The following AGAP1 variants were observed in gnomAD, a reference collection of about 807,000 sequenced individuals.
AGAP1 encodes ArfGAP with GTPase domain, ankyrin repeat and PH domain 1.
AGAP1 carries 29 observed loss-of-function variants against 105.3 expected under a neutral mutation model. That is an observed-to-expected ratio of 0.28 (90% CI 0.21 to 0.38). AGAP1 has a LOEUF of 0.38. Among genes scored for constraint, AGAP1 ranks in the 10% least tolerant of loss-of-function variants. The probability of loss-of-function intolerance (pLI) is 1.00; values close to 1 mark genes in which losing one functional copy is unlikely to be tolerated. For synonymous variants in AGAP1, 509 were observed against 485.9 expected, an observed-to-expected ratio of 1.05 and a Z score of -0.63; for missense variants, 998 against 1,165.1, an observed-to-expected ratio of 0.86 and a Z score of 2.09.
intron 13 of AGAP1, among the ~76,000 whole-genome samples, chr2:235,996,442 G>A (rs1287995918): frequency 6.6e-6 from 1 of 152,242 alleles, no homozygotes; most frequent in Admixed American, 6.5e-5. Flanking sequence ...GTAAACAGGT[G>A]AGCATTATTC....
intron 1 of AGAP1, among the ~76,000 whole-genome samples, chr2:235,565,713 T>G (rs1054683253): frequency 2.0e-5 from 3 of 152,046 alleles, no homozygotes; most frequent in African/African-American, 7.3e-5. Flanking sequence ...CGGGGTGGAG[T>G]GTAGTGGCAT....
At position 236,038,378 on chromosome 2, in the gene AGAP1, C is replaced by A. The variant is rs1291446771; in HGVS notation, c.1800+1663C>A. ...CACGGCAGACTCTGAGCCCCTGCCA[C>A]CTCGACCTAATTCAGGAAGATCTGG... On this transcript the variant is annotated intron_variant, in intron 14 of 17. Coordinates refer to ENST00000304032, the MANE Select transcript of AGAP1 (RefSeq NM_001037131.3). This position sits in a 1 kb window ranked among gnomAD's most constrained non-coding sequence, Gnocchi z 4.5. Among the ~76,000 whole-genome samples the A allele has an allele frequency of 1.3e-5, 2 of 152,200 alleles. No individual in the cohort carries two copies. The highest frequency in any genetic ancestry group is 2.9e-5 in the Non-Finnish European group (2 of 68,042).
chr2:235,599,846 C>G lies in AGAP1; in HGVS notation c.163+104997C>G, dbSNP rs892845936. Among the ~76,000 whole-genome samples, 2 of 152,152 alleles carry G rather than the reference C, an allele frequency of 1.3e-5. No individual in the cohort carries two copies. The highest frequency in any genetic ancestry group is 4.8e-5 in the African/African-American group (2 of 41,426). ...GGGATGTGATGGCACGGTCAGTCGC[C>G]CCTGGTGGAGGCAATGCTGGTACCC... On this transcript the variant is annotated intron_variant, in intron 1 of 17. Coordinates refer to ENST00000304032, the MANE Select transcript of AGAP1 (RefSeq NM_001037131.3). The surrounding 1 kb of genome is among the most constrained non-coding windows in gnomAD (Gnocchi z 5.3).
At chr2:235,539,267 G>T (rs1378905415) in intron 1 of AGAP1, among the ~76,000 whole-genome samples, 3 of 152,236 alleles carry the variant, frequency 2.0e-5, no homozygotes, top group Non-Finnish European at 2.9e-5. Context: ...TGATGCACTG[G>T]ATTATCATGG....
intron 3 of AGAP1, among the ~76,000 whole-genome samples, chr2:235,730,340 T>C (rs913065187): frequency 1.5e-4 from 23 of 152,112 alleles, no homozygotes; most frequent in African/African-American, 5.6e-4. Context: ...CTGCCCTCTC[T>C]GGATTCTAAC....
At chr2:235,528,659 A>T (rs556385675) in intron 1 of AGAP1, among the ~76,000 whole-genome samples, 2 of 152,112 alleles carry the variant, frequency 1.3e-5, no homozygotes, top group African/African-American at 4.8e-5. Flanking sequence ...TCTTGTGTGC[A>T]TTTGTATGTG....
intron 13 of AGAP1, among the ~76,000 whole-genome samples, chr2:236,022,834 G>A (rs754018193): frequency 1.3e-4 from 20 of 151,678 alleles, no homozygotes; most frequent in Non-Finnish European, 2.4e-4. Flanking sequence ...TACCGCACCC[G>A]GTCAGCAGGC....
At chr2:235,602,933 C>T (rs1945780985) in intron 1 of AGAP1, among the ~76,000 whole-genome samples, 1 of 152,160 alleles carries the variant, frequency 6.6e-6, no homozygotes, top group Admixed American at 6.5e-5. Context: ...AACTCCTGAC[C>T]TCAGGTGATC....
rs1049659910 is a variant in AGAP1, at chr2:235,614,692, C to G, written c.164-94487C>G. 6.6e-6 allele frequency among the ~76,000 whole-genome samples: 1 copy of G among 152,154 alleles called. No individual in the cohort carries two copies. The highest frequency in any genetic ancestry group is 1.5e-5 in the Non-Finnish European group (1 of 68,032). Reference sequence around the variant, plus strand: ...GTGTGCCAGGCTCAGGGGCAGGGCCCTTTTTCCACACGCTTAGGGAAGATA... The same window carrying G: ...GTGTGCCAGGCTCAGGGGCAGGGCCGTTTTTCCACACGCTTAGGGAAGATA... On this transcript the variant is annotated intron_variant, in intron 1 of 17. Coordinates refer to ENST00000304032, the MANE Select transcript of AGAP1 (RefSeq NM_001037131.3). The surrounding 1 kb of genome is among the most constrained non-coding windows in gnomAD (Gnocchi z 4.7).
intron 1 of AGAP1, among the ~76,000 whole-genome samples, chr2:235,673,520 T>G (rs1948553789): frequency 6.6e-6 from 1 of 152,168 alleles, no homozygotes; most frequent in Non-Finnish European, 1.5e-5. Flanking sequence ...ACACTAGTAT[T>G]TTGCAGCAAA....
chr2:235,831,205 G>C (rs1030635960), intron 9 of AGAP1, among the ~76,000 whole-genome samples: 8 of 143,380 alleles, frequency 5.6e-5, no homozygotes, highest in African/African-American at 2.3e-4. Context: ...AAAAAAAACA[G>C]TAAACGTTCT....
intron 16 of AGAP1, among the ~76,000 whole-genome samples, chr2:236,100,384 A>T (rs1382915741): frequency 6.6e-6 from 1 of 152,204 alleles, no homozygotes; most frequent in Non-Finnish European, 1.5e-5. Flanking sequence ...GTTAAATAAT[A>T]ATGCTTTCCT....
intron 1 of AGAP1, among the ~76,000 whole-genome samples, chr2:235,505,263 C>A (rs1282626019): frequency 6.6e-6 from 1 of 152,202 alleles, no homozygotes; most frequent in African/African-American, 2.4e-5. Context: ...GTTGCCAACT[C>A]AAGGAGTAAT....
intron 10 of AGAP1, among the ~76,000 whole-genome samples, chr2:235,896,899 CT>C (rs2050833227): frequency 6.6e-6 from 1 of 152,132 alleles, no homozygotes; most frequent in Admixed American, 6.5e-5. Context: ...CTATGTAATT[CT>C]TTCTTTGTTT....
At chr2:235,713,715 T>C (rs1039709541) in intron 2 of AGAP1, among the ~76,000 whole-genome samples, 2 of 152,226 alleles carry the variant, frequency 1.3e-5, no homozygotes, top group African/African-American at 4.8e-5. Flanking sequence ...TGTCTTCGTC[T>C]CTTCTGGCTC....
In AGAP1 at chr2:235,905,489, C is replaced by G. The variant is rs1296409570; in HGVS notation, c.1156-3249C>G. ...ACTCACCACTCTACGGTGTGCTTTT[C>G]CTTTCTTTTCTCTTTTCTTTTCTTT... On this transcript the variant is annotated intron_variant, in intron 10 of 17. Transcript: ENST00000304032. The surrounding 1 kb of genome is among the most constrained non-coding windows in gnomAD (Gnocchi z 4.2). Among the ~76,000 whole-genome samples, 3 of 152,096 alleles carry G rather than the reference C, an allele frequency of 2.0e-5. No homozygotes were observed. Among genetic ancestry groups the G allele is most frequent in the Admixed American group, 6.5e-5 (1 of 15,268 alleles).
chr2:235,532,499 C>T (rs1050005788), intron 1 of AGAP1, among the ~76,000 whole-genome samples: 4 of 152,228 alleles, frequency 2.6e-5, no homozygotes, highest in African/African-American at 9.7e-5. Context: ...AGCCACTGCA[C>T]CTGCCCTACC....
At chr2:236,032,074 G>A (rs1369476081) in intron 13 of AGAP1, among the ~76,000 whole-genome samples, 1 of 152,182 alleles carries the variant, frequency 6.6e-6, no homozygotes, top group Non-Finnish European at 1.5e-5. Flanking sequence ...TTGACCATTT[G>A]AGTTGTCAGT....
chr2:235,966,945 T>A (rs1284727947), intron 12 of AGAP1, among the ~76,000 whole-genome samples: 1 of 152,182 alleles, frequency 6.6e-6, no homozygotes, highest in Non-Finnish European at 1.5e-5. Flanking sequence ...ATGATAAAAT[T>A]TCCTAGAACT....
Sources: gnomAD v4.1 joint callset for allele counts (sites outside exome capture counted in the v4.1 genomes callset) on GRCh38, gnomAD v4.1.1 for gene constraint, Gnocchi (gnomAD v3.1) non-coding constraint, MANE v1.5 for transcripts, NCBI Gene and HGNC (gene_info 2026-07-23, HGNC 2026-07-21) for gene names.